IL16: variants seen among roughly 807,000 people sequenced by gnomAD.
The protein encoded by IL16 is interleukin 16.
A neutral mutation model predicts 110.1 loss-of-function variants in IL16; 67 were observed. The ratio of observed to expected loss-of-function variants is 0.61; its 90% CI spans 0.50 to 0.75. The LOEUF is 0.75. IL16 is among the 30% of genes least tolerant of loss of function. The pLI is 0.00. For missense variants in IL16, 1,545 were observed against 1,655.0 expected, an observed-to-expected ratio of 0.93 and a Z score of 1.15; for synonymous variants, 689 against 662.9, an observed-to-expected ratio of 1.04 and a Z score of -0.61.
chr15:81,258,649 G>A (rs1898032840), intron 2 of IL16, among the ~76,000 whole-genome samples: 1 of 151,772 alleles, frequency 6.6e-6, no homozygotes, highest in Admixed American at 6.6e-5. Flanking sequence ...GCAGTGAGCC[G>A]AGATCACACC....
chr15:81,194,213 G>A (rs993045434), upstream of IL16, among the ~76,000 whole-genome samples: 7 of 152,150 alleles, frequency 4.6e-5, no homozygotes, highest in African/African-American at 1.7e-4. Context: ...AAAAGGACTT[G>A]CAGTTGACAG....
At chr15:81,264,244 C>T (rs767073256) in intron 3 of IL16, among the ~76,000 whole-genome samples, 1 of 152,162 alleles carries the variant, frequency 6.6e-6, no homozygotes, top group Non-Finnish European at 1.5e-5. Context: ...CAGTTGGTCC[C>T]TGTAACTCAG....
chr15:81,189,951 C>T (rs1368449743), intron 1 of IL16, among the ~76,000 whole-genome samples: 1 of 152,336 alleles, frequency 6.6e-6, no homozygotes, highest in South Asian at 2.1e-4. Context: ...CTTGTGTGGG[C>T]AGAAAGACTG....
At chr15:81,259,256 G>C (rs929753782) in intron 2 of IL16, among the ~76,000 whole-genome samples, 2 of 152,130 alleles carry the variant, frequency 1.3e-5, no homozygotes, top group Non-Finnish European at 2.9e-5. Context: ...TTATGTGCCA[G>C]GTATGCCAGA....
rs138188091 is a variant in IL16, at chr15:81,313,315, G to C, written c.*4517G>C. On this transcript the variant is annotated 3_prime_UTR_variant, in exon 19 of 19. Transcript: ENST00000683961. ...TTGGCATAAAACCGGGTCATGCTGC[G>C]GGGGAAGAAGGAGTCCACCACGTTC... is the stretch of plus-strand genomic sequence containing the variant. The C allele has an allele frequency of 1.3e-6, 2 of 1,578,258 alleles. No individual in the cohort carries two copies. The highest frequency in any genetic ancestry group is 1.4e-5 in the African/African-American group (1 of 73,300).
intron 1 of IL16, among the ~76,000 whole-genome samples, chr15:81,188,962 C>T (rs944178669): frequency 6.6e-6 from 1 of 152,020 alleles, no homozygotes; most frequent in Non-Finnish European, 1.5e-5. Context: ...AAGGGCAGCT[C>T]CTTATTTATT....
rs749658212 is a variant in IL16 at position 81,300,139 on chromosome 15, C to A, written c.2813C>A (p.Pro938Gln). Residue 938 changes from proline to glutamine, a missense_variant, in exon 14 of 19, where the codon CCG (proline) becomes CAG (glutamine). This residue lies in a region of IL16 where 1,185 missense variants were observed against 1,238.8 expected (regional missense o/e 0.96). Transcript: ENST00000683961. The part of the protein sequence containing the change: ...QPNQKTLPPG[P>Q]DPLLRLLSTQ... ...AATCAGAAAACTCTCCCCCCTGGCC[C>A]GGACCCGCTCCTAAGGCTGCTGTCA... 9.9e-6 allele frequency: 16 copies of A among 1,610,036 alleles called. No individual in the cohort carries two copies. The highest frequency in any genetic ancestry group is 1.7e-4 in the Middle Eastern group (1 of 6,030).
At chr15:81,265,056 G>T (rs530051347) in intron 3 of IL16, among the ~76,000 whole-genome samples, 3 of 152,322 alleles carry the variant, frequency 2.0e-5, no homozygotes, top group South Asian at 2.1e-4. Context: ...AGGGTAGGGA[G>T]GTAGGGTAGA....
intron 1 of IL16, among the ~76,000 whole-genome samples, chr15:81,209,332 C>T (rs1396414242): frequency 6.6e-6 from 1 of 151,896 alleles, no homozygotes; most frequent in Non-Finnish European, 1.5e-5. Flanking sequence ...TTCCAGGAAA[C>T]CAGTCTGGAT....
At chr15:81,241,343 GT>G (rs991639285) in intron 2 of IL16, among the ~76,000 whole-genome samples, 1 of 151,826 alleles carries the variant, frequency 6.6e-6, no homozygotes, top group Non-Finnish European at 1.5e-5. Context: ...AGACTTGAAA[GT>G]TTGATACTGC....
intron 1 of IL16, among the ~76,000 whole-genome samples, chr15:81,205,168 T>C (rs1298399744): frequency 2.0e-5 from 3 of 151,884 alleles, no homozygotes; most frequent in Non-Finnish European, 2.9e-5. Flanking sequence ...TAGCCGGGCA[T>C]AGTGGCACGT....
At chr15:81,264,234 C>G (rs1313029117) in intron 3 of IL16, among the ~76,000 whole-genome samples, 1 of 152,148 alleles carries the variant, frequency 6.6e-6, no homozygotes, top group Non-Finnish European at 1.5e-5. Context: ...CATCTGGGAG[C>G]AGTTGGTCCC....
rs201159341 is a variant in IL16, at chr15:81,204,766, A to G, written c.-102+7614A>G. On this transcript the variant is annotated intron_variant, in intron 1 of 18. Coordinates refer to ENST00000683961, the MANE Select transcript of IL16 (RefSeq NM_172217.5). ...AACAAAATTAAAAAAAAAAAAGAAA[A>G]AAAAGAAAATTTGGAAGGCATTGGA... is the stretch of plus-strand genomic sequence containing the variant. Among the ~76,000 whole-genome samples the G allele has an allele frequency of 1.2e-4, 14 of 113,724 alleles. No individual in the cohort carries two copies. In the East Asian group the frequency reaches 1.5e-3, roughly 12 times the overall value. 74.6% of individuals were successfully genotyped at this position (113,724 alleles called of 152,430 possible). A position where few individuals can be genotyped will look rare whatever the true frequency, so the allele number is the denominator to read the frequency against.
chr15:81,304,042 G>C (rs1370327120), intron 16 of IL16, among the ~76,000 whole-genome samples: 1 of 152,328 alleles, frequency 6.6e-6, no homozygotes, highest in East Asian at 1.9e-4. Context: ...TATCCTTTGT[G>C]TAGGCTGTGC....
intron 4 of IL16, among the ~76,000 whole-genome samples, 175 bp downstream of exon 4, chr15:81,265,976 C>T (rs1296771783): frequency 2.6e-5 from 4 of 152,208 alleles, no homozygotes; most frequent in Non-Finnish European, 5.9e-5. Context: ...GGGCTGAGAA[C>T]CGCATTAGAA....
rs900648547 is a variant in IL16 at position 81,300,053 on chromosome 15, T to G, written c.2727T>G (p.Pro909=). 1.3e-6 allele frequency: 2 copies of G among 1,566,816 alleles called. No homozygotes were observed. Residue 909 remains proline, a synonymous_variant, in exon 14 of 19, where the codon CCT becomes CCG. Coordinates refer to ENST00000683961, the MANE Select transcript of IL16 (RefSeq NM_172217.5). ...QPEQVLSSGS[P]AASEARDPGV... ...AGCAAGTACTGTCCTCGGGGTCCCC[T>G]GCAGCCTCCGAGGCCAGAGACCCAG... is the stretch of plus-strand genomic sequence containing the variant.
At chr15:81,251,381 G>C (rs891146819) in intron 2 of IL16, among the ~76,000 whole-genome samples, 3 of 152,050 alleles carry the variant, frequency 2.0e-5, no homozygotes, top group African/African-American at 7.3e-5. Context: ...GCCCAGACTG[G>C]TCTTGAACTC....
chr15:81,287,182 G>A (rs1430369753), intron 10 of IL16, among the ~76,000 whole-genome samples: 1 of 152,218 alleles, frequency 6.6e-6, no homozygotes, highest in Non-Finnish European at 1.5e-5. Flanking sequence ...TGGCTCTGGG[G>A]TAAGAGAGGG....
chr15:81,299,933 G>A lies in IL16; in HGVS notation c.2607G>A (p.Gly869=), dbSNP rs1369635068. The change falls in exon 14 of 19, where the codon GGG becomes GGA. Residue 869 remains glycine, a synonymous_variant. Transcript: ENST00000683961. ...AQRLSLQPSS[G]EAAKPLGKHE... is the part of the protein sequence containing the mutation. ...GACTGAGCCTCCAGCCCTCCTCTGG[G>A]GAGGCAGCAAAACCTCTTGGGAAGC... is the stretch of plus-strand genomic sequence containing the variant. The A allele has an allele frequency of 6.2e-7, 1 of 1,613,030 alleles. No homozygotes were observed. The highest frequency in any genetic ancestry group is 8.5e-7 in the Non-Finnish European group (1 of 1,179,850).
Sources: gnomAD v4.1 joint callset for allele counts (sites outside exome capture counted in the v4.1 genomes callset) on GRCh38, gnomAD v4.1.1 for gene constraint, gnomAD v4.1.1 regional missense constraint, MANE v1.5 for transcripts, NCBI Gene and HGNC (gene_info 2026-07-23, HGNC 2026-07-21) for gene names.